Variants in POLDIP3 observed in about 807,000 individuals in gnomAD.
POLDIP3 encodes polymerase delta-interacting protein 3.
In POLDIP3, 14 loss-of-function variants were observed where a neutral mutation model predicts 45.1. The ratio of observed to expected loss-of-function variants is 0.31; its 90% CI spans 0.20 to 0.49. POLDIP3 has a LOEUF of 0.49. POLDIP3 is among the 20% of genes least tolerant of loss of function. POLDIP3 has a pLI of 0.99. For synonymous variants in POLDIP3, 223 were observed against 205.2 expected (o/e 1.09, Z -0.74); for missense variants, 511 against 538.8 (o/e 0.95, Z 0.51).
intron 7 of POLDIP3, among the ~76,000 whole-genome samples, chr22:42,591,297 C>A (rs1415255810): frequency 6.6e-6 from 1 of 152,110 alleles, no homozygotes; most frequent in African/African-American, 2.4e-5. Context: ...ATCAGAACTC[C>A]ACTGACTCAC....
rs563162099 is a variant in POLDIP3 at position 42,588,444 on chromosome 22, G to A, written c.1022-872C>T. Reference sequence around the variant, plus strand: ...TGCACTCCAGCCTGGGCAACAGAGCGAGACTCCACCTCAAAAAAAAAAAAA... The same window carrying A: ...TGCACTCCAGCCTGGGCAACAGAGCAAGACTCCACCTCAAAAAAAAAAAAA... On this transcript the variant is annotated intron_variant, in intron 7 of 8. Coordinates refer to ENST00000252115, the MANE Select transcript of POLDIP3 (RefSeq NM_032311.5). Among the ~76,000 whole-genome samples, 82 of 127,148 alleles carry A rather than the reference G, an allele frequency of 6.4e-4. 1 individual carries two copies. The highest frequency in any genetic ancestry group is 2.2e-3 in the African/African-American group (65 of 29,614). The allele number at this position is 127,148 out of a possible 152,430, so 83.4% of individuals were successfully genotyped here. A position where few individuals can be genotyped will look rare whatever the true frequency, so the allele number is the denominator to read the frequency against.
chr22:42,597,659 G>A (rs922715031), intron 4 of POLDIP3: 4 of 462,622 alleles, frequency 8.6e-6, no homozygotes, highest in African/African-American at 8.1e-5. Flanking sequence ...TATCAAATAG[G>A]GATAGAGACT....
At chr22:42,614,566 C>G (rs961015358) in intron 1 of POLDIP3, among the ~76,000 whole-genome samples, 3 of 152,156 alleles carry the variant, frequency 2.0e-5, no homozygotes, top group Non-Finnish European at 2.9e-5. Context: ...GGCACCCTGT[C>G]CCCGCCGCGG....
chr22:42,601,095 A>G (rs1926336835), intron 3 of POLDIP3, among the ~76,000 whole-genome samples: 1 of 151,424 alleles, frequency 6.6e-6, no homozygotes, highest in African/African-American at 2.4e-5. Context: ...ACCCTGTATC[A>G]AAAAAAAAGA....
rs570595971 is a variant in POLDIP3, at chr22:42,603,053, G to A, written c.167C>T (p.Ala56Val). 1.5e-5 allele frequency: 25 copies of A among 1,614,180 alleles called. No homozygotes were observed. Among genetic ancestry groups the A allele is most frequent in the Middle Eastern group, 1.6e-4 (1 of 6,062 alleles). ...ATCTGAGAGGCCAATCTTCTGCCGGGCATCAAATCTCTGCTGGAAGGTGGC... is the reference window on the plus strand; with the variant it reads ...ATCTGAGAGGCCAATCTTCTGCCGGACATCAAATCTCTGCTGGAAGGTGGC... ...RTATFQQRFD[A>V]RQKIGLSDAR... Residue 56 changes from alanine to valine, a missense_variant, in exon 2 of 9, where the codon GCC becomes GTC. Ala to Val is a moderately conservative substitution (Grantham distance 64, BLOSUM62 0). Coordinates refer to ENST00000252115, the MANE Select transcript of POLDIP3 (RefSeq NM_032311.5).
intron 1 of POLDIP3, 63 bp from the exon 2 acceptor site, chr22:42,603,223 C>T (rs186793337): frequency 4.4e-5 from 68 of 1,551,334 alleles, no homozygotes; most frequent in East Asian, 2.7e-4. Context: ...TCTATGAAAG[C>T]GGAACTGTGG....
In POLDIP3 at chr22:42,602,945, T is replaced by C; in HGVS notation, c.275A>G (p.Gln92Arg). 4 of 1,614,118 alleles carry C rather than the reference T, an allele frequency of 2.5e-6. No homozygotes were observed. The highest frequency in any genetic ancestry group is 3.4e-6 in the Non-Finnish European group (4 of 1,180,022). The part of the protein sequence containing the change: ...DARFRIKGKV[Q>R]DAREMLNSRK... ...AGAGTTCAACATCTCTCTGGCATCC[T>C]GCACTTTCCCTTTGATTCGAAATCG... The change falls in exon 2 of 9, where the codon CAG becomes CGG. Residue 92 changes from glutamine (Q) to arginine (R), a missense_variant. By Grantham distance (43) the Gln-to-Arg change is conservative. Around this residue, in one of 4 missense-constraint regions of POLDIP3, gnomAD observed 378 missense variants for 352.3 expected, o/e 1.07. Coordinates refer to ENST00000252115, the MANE Select transcript of POLDIP3 (RefSeq NM_032311.5).
intron 1 of POLDIP3, among the ~76,000 whole-genome samples, chr22:42,612,775 A>C (rs577668780): frequency 4.6e-5 from 7 of 152,274 alleles, no homozygotes; most frequent in Non-Finnish European, 1.0e-4. Flanking sequence ...GCAGTGTGCC[A>C]AGGCTGTGCC....
chr22:42,587,629 G>C (rs1925395230), intron 7 of POLDIP3, 57 bp from the exon 8 acceptor site: 1 of 1,497,746 alleles, frequency 6.7e-7, no homozygotes, highest in South Asian at 1.1e-5. Context: ...CCTCACACAA[G>C]AGGACAAGGG....
At chr22:42,591,913 G>C (rs1287929462) in intron 7 of POLDIP3, 42 bp downstream of exon 7, 2 of 1,612,492 alleles carry the variant, frequency 1.2e-6, no homozygotes, top group African/African-American at 2.7e-5. Flanking sequence ...AGCAAGTAGA[G>C]ATGAGTGGGA....
intron 2 of POLDIP3, among the ~76,000 whole-genome samples, chr22:42,602,511 C>T (rs1318070192): frequency 1.3e-5 from 2 of 152,200 alleles, no homozygotes; most frequent in Non-Finnish European, 2.9e-5. Flanking sequence ...TCTCTTTCTT[C>T]CACCAGTATC....
At chr22:42,595,466 G>C (rs777399153) in intron 6 of POLDIP3, 71 bp downstream of exon 6, 45 of 1,369,172 alleles carry the variant, frequency 3.3e-5, no homozygotes, top group Non-Finnish European at 4.7e-5. Flanking sequence ...CAAACCTGAG[G>C]GTGGGTCTTA....
At chr22:42,593,038 G>T (rs1925763880) in intron 6 of POLDIP3, among the ~76,000 whole-genome samples, 1 of 152,214 alleles carries the variant, frequency 6.6e-6, no homozygotes, top group South Asian at 2.1e-4. Flanking sequence ...ACTAAAATCT[G>T]TAGATGCTCA....
chr22:42,613,543 T>A (rs1018450659), intron 1 of POLDIP3, among the ~76,000 whole-genome samples: 7 of 152,190 alleles, frequency 4.6e-5, no homozygotes, highest in Admixed American at 3.9e-4. Flanking sequence ...GAGGATCACC[T>A]GAGGTCAGGA....
Position 42,587,589 on chromosome 22 carries a change from A to G in POLDIP3, c.1022-17T>C. 6.2e-7 allele frequency: 1 copy of G among 1,609,360 alleles called. No individual in the cohort carries two copies. The highest frequency in any genetic ancestry group is 1.1e-5 in the South Asian group (1 of 90,960). ...TCGGCTGCCCTGAAAAACCAAAGAA[A>G]GAAAAAGGCTCTGCTATGAGACCTC... is the stretch of plus-strand genomic sequence containing the variant. On this transcript the variant is annotated splice_polypyrimidine_tract_variant and intron_variant, in intron 7 of 8. Coordinates refer to ENST00000252115, the MANE Select transcript of POLDIP3 (RefSeq NM_032311.5).
rs529713352 is a variant in POLDIP3, at chr22:42,584,708, C to G, written c.*1083G>C. The G allele has an allele frequency of 1.4e-5, 5 of 359,982 alleles. No individual in the cohort carries two copies. The Admixed American group carries it at 1.9e-4, about 14-fold the overall frequency. 22.3% of individuals were successfully genotyped at this position (359,982 alleles called of 1,614,324 possible). A position where few individuals can be genotyped will look rare whatever the true frequency, so the allele number is the denominator to read the frequency against. ...CCCTGCTCCCTTGACTCCTCCTCCT[C>G]TGCCAAGGCAGGAAAATAATCCTCT... On this transcript the variant is annotated 3_prime_UTR_variant, in exon 9 of 9. Coordinates refer to ENST00000252115, the MANE Select transcript of POLDIP3 (RefSeq NM_032311.5).
At chr22:42,592,117 A>G in intron 6 of POLDIP3, 33 bp from the exon 7 acceptor site, 1 of 1,612,842 alleles carries the variant, frequency 6.2e-7, no homozygotes, top group Non-Finnish European at 8.5e-7. Flanking sequence ...GGATTGGGGA[A>G]GGATTTCTCA....
At chr22:42,605,971 G>A (rs186922348) in intron 1 of POLDIP3, among the ~76,000 whole-genome samples, 28 of 152,058 alleles carry the variant, frequency 1.8e-4, no homozygotes, top group African/African-American at 3.9e-4. Flanking sequence ...GTGAAACCCC[G>A]TCCCTACTAA....
At chr22:42,593,910 C>A (rs1925822674) in intron 6 of POLDIP3, among the ~76,000 whole-genome samples, 1 of 152,170 alleles carries the variant, frequency 6.6e-6, no homozygotes, top group Admixed American at 6.5e-5. Flanking sequence ...ACTGTCCCTG[C>A]TAAAGGAGAA....
Sources: gnomAD v4.1 joint callset for allele counts (sites outside exome capture counted in the v4.1 genomes callset) on GRCh38, gnomAD v4.1.1 for gene constraint, gnomAD v4.1.1 regional missense constraint, MANE v1.5 for transcripts, NCBI Gene and HGNC (gene_info 2026-07-23, HGNC 2026-07-21) for gene names.